Variants in CTNNA3 observed in about 807,000 individuals in gnomAD.
CTNNA3 encodes the protein catenin alpha 3.
Under a neutral mutation model 95.7 loss-of-function variants are expected in CTNNA3, and 76 were observed. The ratio of observed to expected loss-of-function variants is 0.79; its 90% CI spans 0.66 to 0.96. The LOEUF is 0.96. CTNNA3 is among the 40% of genes least tolerant of loss of function. The pLI is 0.00. For synonymous variants in CTNNA3, 431 were observed against 374.4 expected, an observed-to-expected ratio of 1.15 and a Z score of -1.74; for missense variants, 1,191 against 1,089.8, an observed-to-expected ratio of 1.09 and a Z score of -1.31.
At chr10:67,038,962 A>C (rs1017627977) in intron 7 of CTNNA3, among the ~76,000 whole-genome samples, 1 of 152,110 alleles carries the variant, frequency 6.6e-6, no homozygotes, top group Admixed American at 6.5e-5. Flanking sequence ...GAGAAGATTC[A>C]TGATAGATAT....
intron 6 of CTNNA3, among the ~76,000 whole-genome samples, chr10:67,201,285 G>C (rs1490506276): frequency 6.6e-6 from 1 of 152,140 alleles, no homozygotes; most frequent in Non-Finnish European, 1.5e-5. Flanking sequence ...TTGTCAGGCT[G>C]CTTAACAAAT....
chr10:66,625,180 C>T (rs1266741957), intron 9 of CTNNA3, among the ~76,000 whole-genome samples: 1 of 151,912 alleles, frequency 6.6e-6, no homozygotes, highest in African/African-American at 2.4e-5. Flanking sequence ...TATTAGCATC[C>T]CTCTCTTGCA....
rs184568950 is a variant in CTNNA3, at chr10:67,077,745, C to T, written c.1047+102572G>A. Reference sequence around the variant, plus strand: ...ATGATAATATCTATTTCTATTTATTCGCTCATCTCACTAGCACCTAAGACA... The same window carrying T: ...ATGATAATATCTATTTCTATTTATTTGCTCATCTCACTAGCACCTAAGACA... On this transcript the variant is annotated intron_variant, in intron 7 of 17. Transcript: ENST00000433211. Among the ~76,000 whole-genome samples the T allele has an allele frequency of 2.5e-3, 387 of 152,054 alleles. 1 individual carries two copies. Among genetic ancestry groups the T allele is most frequent in the African/African-American group, 8.5e-3 (354 of 41,440 alleles).
chr10:65,913,732 G>A lies in CTNNA3; in HGVS notation c.*6598C>T, dbSNP rs2076974064. ...ACTGAGAGCAGGGGCTAGCATCTCT[G>A]ACTTACTCCTTTGCTTTACTAATAA... On this transcript the variant is annotated 3_prime_UTR_variant, in exon 18 of 18. Transcript: ENST00000433211. 2 of 152,098 alleles carry A rather than the reference G, an allele frequency of 1.3e-5. No homozygotes were observed. The highest frequency in any genetic ancestry group is 4.8e-5 in the African/African-American group (2 of 41,430). 9.4% of individuals were successfully genotyped at this position (152,098 alleles called of 1,614,324 possible). A position where few individuals can be genotyped will look rare whatever the true frequency, so the allele number is the denominator to read the frequency against.
chr10:65,927,404 A>T (rs756976668), intron 17 of CTNNA3, among the ~76,000 whole-genome samples: 1 of 152,242 alleles, frequency 6.6e-6, no homozygotes, highest in Non-Finnish European at 1.5e-5. Flanking sequence ...GTATTGTTAC[A>T]TCAGTGTTCT....
intron 13 of CTNNA3, among the ~76,000 whole-genome samples, chr10:66,113,929 G>T (rs1012146636): frequency 5.8e-4 from 88 of 152,030 alleles, no homozygotes; most frequent in Non-Finnish European, 8.7e-4. Context: ...CTTGATCTAT[G>T]GGGGGAGGTG....
chr10:66,821,106 C>T (rs959224297), intron 7 of CTNNA3, among the ~76,000 whole-genome samples: 1 of 152,056 alleles, frequency 6.6e-6, no homozygotes, highest in Non-Finnish European at 1.5e-5. Flanking sequence ...TATGTGTACT[C>T]ATATCCATAG....
At chr10:66,084,411 T>G (rs956863384) in intron 14 of CTNNA3, among the ~76,000 whole-genome samples, 3 of 151,992 alleles carry the variant, frequency 2.0e-5, no homozygotes, top group African/African-American at 7.2e-5. Flanking sequence ...AGAGAATGGG[T>G]CTTCCATTAC....
chr10:67,140,240 T>C (rs916894343), intron 7 of CTNNA3, among the ~76,000 whole-genome samples: 1 of 152,154 alleles, frequency 6.6e-6, no homozygotes, highest in Admixed American at 6.5e-5. Context: ...CTTTATAAGA[T>C]GGTTTTATTT....
At chr10:66,568,052 T>G (rs1842765598) in intron 10 of CTNNA3, among the ~76,000 whole-genome samples, 1 of 152,200 alleles carries the variant, frequency 6.6e-6, no homozygotes, top group Non-Finnish European at 1.5e-5. Context: ...CATTTGCTTC[T>G]CTCAGTTTTC....
intron 9 of CTNNA3, among the ~76,000 whole-genome samples, chr10:66,714,025 T>C (rs1055085384): frequency 6.6e-6 from 1 of 152,068 alleles, no homozygotes; most frequent in African/African-American, 2.4e-5. Flanking sequence ...AAAATACCCA[T>C]TCTGAACAGA....
At chr10:67,343,454 T>C (rs946854392) in intron 5 of CTNNA3, among the ~76,000 whole-genome samples, 1 of 152,170 alleles carries the variant, frequency 6.6e-6, no homozygotes, top group African/African-American at 2.4e-5. Context: ...ATAGTTTCCA[T>C]TATAAAGATC....
At chr10:66,313,557 T>G (rs2092054824) in intron 12 of CTNNA3, among the ~76,000 whole-genome samples, 2 of 152,166 alleles carry the variant, frequency 1.3e-5, no homozygotes, top group African/African-American at 4.8e-5. Context: ...CTTCTCCTCT[T>G]AACTCTCATC....
rs547650440 is a variant in CTNNA3, at chr10:66,443,875, C to G, written c.1532-64523G>C. Among the ~76,000 whole-genome samples, 22 of 152,160 alleles carry G rather than the reference C, an allele frequency of 1.4e-4. No individual in the cohort carries two copies. In the South Asian group the frequency reaches 4.6e-3, roughly 32 times the overall value. On this transcript the variant is annotated intron_variant, in intron 11 of 17. Transcript: ENST00000433211. ...AAGGCTTCAGACGATCAAACTACTC[C>G]GAGCTACAGGAGGAAATTCAAACCA... is the stretch of plus-strand genomic sequence containing the variant.
intron 7 of CTNNA3, among the ~76,000 whole-genome samples, chr10:67,020,895 G>A (rs1852966446): frequency 6.6e-6 from 1 of 152,078 alleles, no homozygotes; most frequent in Admixed American, 6.6e-5. Context: ...AGGGGCCTCA[G>A]GAATAAGAGT....
intron 7 of CTNNA3, among the ~76,000 whole-genome samples, chr10:66,968,616 A>G (rs1411219622): frequency 1.3e-5 from 2 of 152,134 alleles, no homozygotes; most frequent in Admixed American, 1.3e-4. Flanking sequence ...CAGAGAAAAG[A>G]CACTCAATAC....
chr10:66,588,682 C>G (rs2067843566), intron 10 of CTNNA3, among the ~76,000 whole-genome samples: 1 of 152,016 alleles, frequency 6.6e-6, no homozygotes, highest in Non-Finnish European at 1.5e-5. Flanking sequence ...CTCTCATAAT[C>G]CAAAAGTCAG....
intron 15 of CTNNA3, among the ~76,000 whole-genome samples, chr10:66,055,589 A>T (rs1285207557): frequency 6.6e-6 from 1 of 152,146 alleles, no homozygotes; most frequent in Non-Finnish European, 1.5e-5. Context: ...TACTGAATTT[A>T]TCAGATCCAG....
At chr10:67,059,155 T>C (rs1285850163) in intron 7 of CTNNA3, among the ~76,000 whole-genome samples, 79 of 152,200 alleles carry the variant, frequency 5.2e-4, no homozygotes. Context: ...TTCAGAGTTC[T>C]AGTAACAAGG....
Sources: gnomAD v4.1 joint callset for allele counts (sites outside exome capture counted in the v4.1 genomes callset) on GRCh38, gnomAD v4.1.1 for gene constraint, MANE v1.5 for transcripts, NCBI Gene and HGNC (gene_info 2026-07-23, HGNC 2026-07-21) for gene names.